COPA: variants seen among roughly 807,000 people sequenced by gnomAD.
The protein encoded by COPA is coat protein complex I subunit alpha.
Under a neutral mutation model 158.7 loss-of-function variants are expected in COPA, and 10 were observed. That is an observed-to-expected ratio of 0.06 (90% confidence interval 0.04 to 0.11). The LOEUF is 0.11. Ranked by LOEUF, COPA falls within the 10% of genes least tolerant of loss-of-function variation. The pLI, the probability that COPA is intolerant of heterozygous loss-of-function variation, is 1.00. For missense variants in COPA, 1,065 were observed against 1,536.7 expected (o/e 0.69, Z 5.13); for synonymous variants, 462 against 542.8 (o/e 0.85, Z 2.07).
At chr1:160,325,398 A>G (rs1447163509) in intron 7 of COPA, 145 bp downstream of exon 7, 1 of 679,710 alleles carries the variant, frequency 1.5e-6, no homozygotes, top group Non-Finnish European at 2.6e-6. Context: ...TTCACGCACA[A>G]TTTGATTTCT....
rs769582641 is a variant in COPA at position 160,335,325 on chromosome 1, G to A, written c.229-3C>T. 18 of 1,606,586 alleles carry A rather than the reference G, an allele frequency of 1.1e-5. No individual in the cohort carries two copies. Among genetic ancestry groups the A allele is most frequent in the Admixed American group, 1.7e-5 (1 of 59,046 alleles). ...CGCCGAAGCTTGTAATTCCAAACCTGCAAAGACAAATCAAACTAAGAAACA... is the reference window on the plus strand; with the variant it reads ...CGCCGAAGCTTGTAATTCCAAACCTACAAAGACAAATCAAACTAAGAAACA... On this transcript the variant is annotated splice_region_variant and splice_polypyrimidine_tract_variant and intron_variant, in intron 3 of 32. Transcript: ENST00000241704.
Position 160,289,287 on chromosome 1 carries a change from TAGAG to T in COPA, c.*866_*869del, listed in dbSNP as rs1658141899. ...AAATGGCCAAGTCAAGAAGCTCTCA[TAGAG>T]ATTTATTTAGTGTGAGAAATATGAG... On this transcript the variant is annotated 3_prime_UTR_variant, in exon 33 of 33. Transcript: ENST00000241704. 6.6e-6 allele frequency: 1 copy of T among 152,170 alleles called. No homozygotes were observed. Among genetic ancestry groups the T allele is most frequent in the African/African-American group, 2.4e-5 (1 of 41,434 alleles). The allele number at this position is 152,170 out of a possible 1,614,324, so 9.4% of individuals were successfully genotyped here.
chr1:160,316,185 C>T (rs1297449123), intron 8 of COPA, among the ~76,000 whole-genome samples: 1 of 152,010 alleles, frequency 6.6e-6, no homozygotes. Flanking sequence ...TAGTGAAACC[C>T]TGTTTCTACT....
intron 8 of COPA, among the ~76,000 whole-genome samples, chr1:160,320,257 A>G (rs2101855923): frequency 6.6e-6 from 1 of 152,282 alleles, no homozygotes; most frequent in East Asian, 1.9e-4. Context: ...ATGACATGCC[A>G]ACATACTAGA....
At position 160,292,550 on chromosome 1, in the gene COPA, C is replaced by T. The variant is rs1035996357; in HGVS notation, c.2894G>A (p.Arg965Gln). 32 of 1,613,884 alleles carry T rather than the reference C, an allele frequency of 2.0e-5. No individual in the cohort carries two copies. The highest frequency in any genetic ancestry group is 4.0e-5 in the African/African-American group (3 of 74,894). ...YKQLFLQTYA[R>Q]GRTTYQALPC... is the part of the protein sequence containing the mutation. Reference sequence around the variant, plus strand: ...CAGAGCCTGATAGGTTGTGCGGCCTCGGGCGTATGTCTGTAGGAACAGTTG... The same window carrying T: ...CAGAGCCTGATAGGTTGTGCGGCCTTGGGCGTATGTCTGTAGGAACAGTTG... The change falls in exon 28 of 33, where the codon CGA becomes CAA. Residue 965 changes from arginine (R) to glutamine (Q), a missense_variant. Physicochemically the swap from Arg to Gln is conservative, Grantham distance 43 (BLOSUM62 1). Coordinates refer to ENST00000241704, the MANE Select transcript of COPA (RefSeq NM_004371.4).
intron 2 of COPA, 94 bp downstream of exon 2, chr1:160,340,087 A>C: frequency 6.7e-7 from 1 of 1,492,344 alleles, no homozygotes; most frequent in Non-Finnish European, 9.3e-7. Flanking sequence ...CACATTCTTT[A>C]ATCATAGAGG....
intron 8 of COPA, among the ~76,000 whole-genome samples, chr1:160,321,664 T>C (rs1659332996): frequency 6.6e-6 from 1 of 152,102 alleles, no homozygotes; most frequent in Admixed American, 6.5e-5. Context: ...GGTGTGCACC[T>C]GTAGTCCCAG....
At chr1:160,320,565 C>A (rs1315189291) in intron 8 of COPA, among the ~76,000 whole-genome samples, 1 of 133,160 alleles carries the variant, frequency 7.5e-6, no homozygotes, top group Non-Finnish European at 1.5e-5. Flanking sequence ...GCTAAGATTG[C>A]CCTGCTGCAC....
rs544772529 is a variant in COPA, at chr1:160,324,209, G to A, written c.607-679C>T. 1.5e-3 allele frequency among the ~76,000 whole-genome samples: 224 copies of A among 151,356 alleles called. 1 individual carries two copies. The highest frequency in any genetic ancestry group is 5.1e-3 in the African/African-American group (210 of 41,222). ...GAAATCTCAGTCTGGTCTTGAAGGA[G>A]CTCCAAGATTATTTTAAGAAGTTTG... On this transcript the variant is annotated intron_variant, in intron 7 of 32. Coordinates refer to ENST00000241704, the MANE Select transcript of COPA (RefSeq NM_004371.4).
At chr1:160,308,850 G>A (rs1381448252) in intron 13 of COPA, 1 of 435,508 alleles carries the variant, frequency 2.3e-6, no homozygotes, top group Non-Finnish European at 4.0e-6. Context: ...ATGCTGTGCT[G>A]AAAGAGAGAA....
Position 160,294,629 on chromosome 1 carries a change from C to G in COPA, c.2567-36G>C, listed in dbSNP as rs376927195. On this transcript the variant is annotated intron_variant, in intron 24 of 32. Coordinates refer to ENST00000241704, the MANE Select transcript of COPA (RefSeq NM_004371.4). ...AATTCAAGCTCAAAACAGATTTGGG[C>G]AGTGGCATAATCTTAGCCAAAGGAA... 4 of 1,610,822 alleles carry G rather than the reference C, an allele frequency of 2.5e-6. No homozygotes were observed. The East Asian group carries it at 8.9e-5, about 36-fold the overall frequency.
chr1:160,308,908 G>C (rs565141306), intron 13 of COPA, 193 bp downstream of exon 13: 1 of 532,248 alleles, frequency 1.9e-6, no homozygotes, highest in Non-Finnish European at 3.4e-6. Context: ...ATCTAGCTGG[G>C]GTAATAAAAT....
chr1:160,313,661 G>T (rs940451643), intron 9 of COPA, among the ~76,000 whole-genome samples: 1 of 152,010 alleles, frequency 6.6e-6, no homozygotes, highest in Non-Finnish European at 1.5e-5. Flanking sequence ...TGATCCACCC[G>T]CCTCAGCCTC....
Position 160,289,974 on chromosome 1 carries a change from C to T in COPA, c.*183G>A. The T allele has an allele frequency of 1.6e-6, 1 of 624,444 alleles. No individual in the cohort carries two copies. The highest frequency in any genetic ancestry group is 2.0e-5 in the South Asian group (1 of 49,194). 38.7% of individuals were successfully genotyped at this position (624,444 alleles called of 1,614,324 possible). A position where few individuals can be genotyped will look rare whatever the true frequency, so the allele number is the denominator to read the frequency against. On this transcript the variant is annotated 3_prime_UTR_variant, in exon 33 of 33. Transcript: ENST00000241704. ...CACAACTGTAGTCAAGTTGAGAAGACCTCAAAAAAGTCAAGTTTAGACCTT... is the reference window on the plus strand; with the variant it reads ...CACAACTGTAGTCAAGTTGAGAAGATCTCAAAAAAGTCAAGTTTAGACCTT...
chr1:160,328,652 C>A (rs1453068213), intron 6 of COPA, among the ~76,000 whole-genome samples: 1 of 152,044 alleles, frequency 6.6e-6, no homozygotes, highest in Non-Finnish European at 1.5e-5. Flanking sequence ...AGAGACTGAG[C>A]CTGAATTACA....
At chr1:160,322,150 C>T (rs1659349752) in intron 8 of COPA, among the ~76,000 whole-genome samples, 1 of 152,026 alleles carries the variant, frequency 6.6e-6, no homozygotes, top group South Asian at 2.1e-4. Context: ...CCCAAATAGC[C>T]AAAGCAATTC....
intron 6 of COPA, among the ~76,000 whole-genome samples, chr1:160,330,562 G>A (rs1373776013): frequency 6.6e-6 from 1 of 152,106 alleles, no homozygotes; most frequent in Non-Finnish European, 1.5e-5. Context: ...CTCTTGTCTT[G>A]TTTCTATGCT....
At chr1:160,294,194 T>C (rs1368267196) in intron 25 of COPA, among the ~76,000 whole-genome samples, 1 of 152,198 alleles carries the variant, frequency 6.6e-6, no homozygotes, top group Non-Finnish European at 1.5e-5. Context: ...GGTCTTGCTA[T>C]GGTGCCCAGG....
chr1:160,315,336 C>T (rs4634904), intron 8 of COPA, among the ~76,000 whole-genome samples: 3 of 152,040 alleles, frequency 2.0e-5, no homozygotes, highest in East Asian at 1.9e-4. Flanking sequence ...AGAGAGAAAG[C>T]GGGGAGGCAA....
Sources: allele counts gnomAD v4.1 joint callset (sites outside exome capture counted in the v4.1 genomes callset), GRCh38; gene constraint gnomAD v4.1.1; transcripts MANE v1.5; gene names NCBI Gene and HGNC (gene_info 2026-07-23, HGNC 2026-07-21).